The following ANKS1B variants were observed in gnomAD, a reference collection of about 807,000 sequenced individuals.
The protein encoded by ANKS1B is ankyrin repeat and sterile alpha motif domain containing 1B.
In ANKS1B, 36 loss-of-function variants were observed where a neutral mutation model predicts 148.3. The ratio of observed to expected loss-of-function variants is 0.24; its 90% CI spans 0.19 to 0.32. The LOEUF (loss-of-function observed/expected upper bound fraction) is 0.32, where lower values mean the gene tolerates loss of function less well. Among genes scored for constraint, ANKS1B ranks in the 10% least tolerant of loss-of-function variants. ANKS1B has a pLI of 1.00. For missense variants in ANKS1B, 1,157 were observed against 1,542.6 expected, an observed-to-expected ratio of 0.75 and a Z score of 4.19; for synonymous variants, 542 against 560.8, an observed-to-expected ratio of 0.97 and a Z score of 0.47.
intron 9 of ANKS1B, among the ~76,000 whole-genome samples, chr12:99,561,466 G>C (rs141672261): frequency 1.4e-4 from 22 of 152,072 alleles, no homozygotes; most frequent in Non-Finnish European, 2.6e-4. Context: ...TCAAAGATTA[G>C]ATTTAAATCC....
intron 17 of ANKS1B, among the ~76,000 whole-genome samples, chr12:98,895,518 G>A (rs1429167445): frequency 1.3e-5 from 2 of 152,208 alleles, no homozygotes; most frequent in Non-Finnish European, 2.9e-5. Flanking sequence ...AGGCCACCTC[G>A]GGTTTCTTCT....
chr12:99,902,958 G>C (rs180993858), intron 1 of ANKS1B, among the ~76,000 whole-genome samples: 19 of 145,412 alleles, frequency 1.3e-4, no homozygotes, highest in Admixed American at 2.0e-4. Flanking sequence ...TTAGAGACAG[G>C]GTTCGCCATG....
chr12:99,778,508 CAA>C (rs57712696), intron 6 of ANKS1B, among the ~76,000 whole-genome samples: 9 of 57,428 alleles, frequency 1.6e-4, no homozygotes, highest in Admixed American at 1.9e-4. Flanking sequence ...AACTCTTTCT[CAA>C]AAAAAAAAAA....
At chr12:99,271,018 A>T (rs2076979242) in intron 12 of ANKS1B, among the ~76,000 whole-genome samples, 1 of 152,218 alleles carries the variant, frequency 6.6e-6, no homozygotes, top group Non-Finnish European at 1.5e-5. Context: ...TTTGAATGTG[A>T]TCAGAGACTA....
At chr12:99,915,787 A>G (rs1342610929) in intron 1 of ANKS1B, among the ~76,000 whole-genome samples, 1 of 152,258 alleles carries the variant, frequency 6.6e-6, no homozygotes, top group African/African-American at 2.4e-5. Flanking sequence ...TTTGAAGGCC[A>G]GAAGTCCAAG....
intron 17 of ANKS1B, among the ~76,000 whole-genome samples, chr12:98,954,595 A>T (rs1424739400): frequency 1.3e-5 from 2 of 152,236 alleles, no homozygotes; most frequent in Non-Finnish European, 2.9e-5. Context: ...TCACAATTGC[A>T]TTTTGTGTCT....
At chr12:99,547,928 C>T (rs1436409199) in intron 9 of ANKS1B, among the ~76,000 whole-genome samples, 2 of 152,030 alleles carry the variant, frequency 1.3e-5, no homozygotes, top group Non-Finnish European at 2.9e-5. Flanking sequence ...GCAGAAGATT[C>T]GGGTTGTTTT....
At position 99,757,219 on chromosome 12, in the gene ANKS1B, C is replaced by A. The variant is rs1332245516; in HGVS notation, c.1128+15703G>T. Among the ~76,000 whole-genome samples the A allele has an allele frequency of 7.9e-5, 12 of 152,048 alleles. 1 individual carries two copies. In the East Asian group the frequency reaches 1.5e-3, roughly 20 times the overall value. ...TATGCATCCAACAAAGGTCTAATAGCCAGCATCTTTAAGGAACTTAAACAA... is the reference window on the plus strand; with the variant it reads ...TATGCATCCAACAAAGGTCTAATAGACAGCATCTTTAAGGAACTTAAACAA... On this transcript the variant is annotated intron_variant, in intron 8 of 26. Transcript: ENST00000683438.
chr12:98,958,250 T>C (rs1179631571), intron 17 of ANKS1B, among the ~76,000 whole-genome samples: 3 of 152,238 alleles, frequency 2.0e-5, no homozygotes, highest in African/African-American at 7.2e-5. Context: ...GGGGAATAAC[T>C]ATAAATTATG....
At chr12:99,496,141 C>G (rs2096602131) in intron 10 of ANKS1B, among the ~76,000 whole-genome samples, 1 of 152,152 alleles carries the variant, frequency 6.6e-6, no homozygotes, top group African/African-American at 2.4e-5. Flanking sequence ...TTGTAAATTG[C>G]TCATTAATCA....
intron 15 of ANKS1B, among the ~76,000 whole-genome samples, chr12:99,102,645 G>A (rs2058236997): frequency 1.3e-5 from 2 of 152,202 alleles, no homozygotes; most frequent in Admixed American, 1.3e-4. Context: ...TCCGGGGGCT[G>A]ATGTGGGAAC....
intron 8 of ANKS1B, among the ~76,000 whole-genome samples, chr12:99,766,079 A>G (rs1052539432): frequency 1.3e-5 from 2 of 152,182 alleles, no homozygotes; most frequent in Non-Finnish European, 2.9e-5. Context: ...TCTGGAATTC[A>G]TCTCCAAATA....
chr12:99,162,611 A>G (rs1316667268), intron 14 of ANKS1B, among the ~76,000 whole-genome samples: 1 of 152,062 alleles, frequency 6.6e-6, no homozygotes, highest in Admixed American at 6.6e-5. Flanking sequence ...GTATATTCAT[A>G]TATATTTACC....
At chr12:99,457,705 G>C (rs554854423) in intron 10 of ANKS1B, among the ~76,000 whole-genome samples, 86 of 152,200 alleles carry the variant, frequency 5.7e-4, no homozygotes, top group Non-Finnish European at 1.1e-3. Context: ...ATGATAAAAT[G>C]ACTAGTCCAA....
intron 10 of ANKS1B, among the ~76,000 whole-genome samples, chr12:99,472,176 T>C (rs960510066): frequency 1.3e-5 from 2 of 152,138 alleles, no homozygotes; most frequent in Non-Finnish European, 2.9e-5. Context: ...AACATATCTA[T>C]GTCTCCTCTA....
chr12:99,501,232 A>C (rs550386762), intron 10 of ANKS1B, among the ~76,000 whole-genome samples: 12 of 152,196 alleles, frequency 7.9e-5, no homozygotes, highest in Non-Finnish European at 5.9e-5. Context: ...AAAGCACTTA[A>C]GGTGTGGATC....
At chr12:99,360,477 A>G (rs2092379552) in intron 12 of ANKS1B, among the ~76,000 whole-genome samples, 1 of 152,098 alleles carries the variant, frequency 6.6e-6, no homozygotes, top group Non-Finnish European at 1.5e-5. Flanking sequence ...CTCCCTCATC[A>G]CAGCTTCTCT....
intron 9 of ANKS1B, among the ~76,000 whole-genome samples, chr12:99,536,986 C>T (rs115321246): frequency 0.013 from 2,051 of 152,234 alleles, 54 homozygotes; most frequent in African/African-American, 0.047. Context: ...TTAGATCCCA[C>T]AAATAAACAA....
At chr12:99,650,655 G>C (rs987194436) in intron 9 of ANKS1B, among the ~76,000 whole-genome samples, 1 of 152,044 alleles carries the variant, frequency 6.6e-6, no homozygotes, top group Non-Finnish European at 1.5e-5. Context: ...TGAATTTGTA[G>C]AAATTTCAAT....
Sources: allele counts gnomAD v4.1 joint callset (sites outside exome capture counted in the v4.1 genomes callset), GRCh38; gene constraint gnomAD v4.1.1; transcripts MANE v1.5; gene names NCBI Gene and HGNC (gene_info 2026-07-23, HGNC 2026-07-21).